Variants in RAD51B observed in about 807,000 individuals in gnomAD.
RAD51B encodes the protein DNA repair protein RAD51 homolog 2.
A neutral mutation model predicts 42.2 loss-of-function variants in RAD51B; 38 were observed. The observed-to-expected ratio is 0.90, with a 90% CI of 0.70 to 1.18. The LOEUF is 1.18. Among genes scored for constraint, RAD51B ranks in the 50% most tolerant of loss-of-function variants. RAD51B has a pLI of 0.00. For missense variants in RAD51B, 373 were observed against 400.7 expected (o/e 0.93, Z 0.59); for synonymous variants, 154 against 145.2 (o/e 1.06, Z -0.43).
At chr14:68,482,176 GGT>G (rs66768673), downstream of RAD51B, among the ~76,000 whole-genome samples, 139 of 149,662 alleles carry the variant, frequency 9.3e-4, 1 homozygote, top group South Asian at 0.015. Context: ...ATATTTTAGG[GGT>G]GTGTGTGTGT....
At chr14:68,490,167 A>C (rs1266695183) in intron 10 of RAD51B, among the ~76,000 whole-genome samples, 1 of 152,226 alleles carries the variant, frequency 6.6e-6, no homozygotes, top group Non-Finnish European at 1.5e-5. Flanking sequence ...CATTGTTAGC[A>C]CCTTAAAGAA....
intron 10 of RAD51B, among the ~76,000 whole-genome samples, chr14:68,535,440 A>G (rs1887560099): frequency 7.5e-6 from 1 of 133,508 alleles, no homozygotes; most frequent in Non-Finnish European, 1.5e-5. Flanking sequence ...GTTTCTGCAT[A>G]TTCCCATTCC....
chr14:68,648,113 G>GTATA (rs35536124), intron 10 of RAD51B, among the ~76,000 whole-genome samples: 1 of 60,078 alleles, frequency 1.7e-5, no homozygotes, highest in African/African-American at 5.5e-5. Flanking sequence ...ATACACACAC[G>GTATA]TATATATATA....
At chr14:68,526,893 C>T (rs913056653) in intron 10 of RAD51B, among the ~76,000 whole-genome samples, 2 of 152,204 alleles carry the variant, frequency 1.3e-5, no homozygotes, top group African/African-American at 4.8e-5. Context: ...ACACTGCTTG[C>T]TTTGGACAGA....
At chr14:68,260,915 A>G (rs2139544962) in intron 7 of RAD51B, among the ~76,000 whole-genome samples, 1 of 152,374 alleles carries the variant, frequency 6.6e-6, no homozygotes, top group East Asian at 1.9e-4. Flanking sequence ...CTTAAAAAAC[A>G]GTAAGTACAT....
intron 7 of RAD51B, among the ~76,000 whole-genome samples, chr14:68,267,848 A>G (rs2081023916): frequency 6.6e-6 from 1 of 152,210 alleles, no homozygotes; most frequent in African/African-American, 2.4e-5. Flanking sequence ...TCATAATTAA[A>G]CAATTTATTT....
At position 67,942,765 on chromosome 14, in the gene RAD51B, C is replaced by T. The variant is rs116688460; in HGVS notation, c.756+55561C>T. Among the ~76,000 whole-genome samples, 1,347 of 152,212 alleles carry T rather than the reference C, an allele frequency of 8.8e-3. 20 individuals are homozygous for T. Among genetic ancestry groups the T allele is most frequent in the African/African-American group, 0.031 (1,268 of 41,518 alleles). On this transcript the variant is annotated intron_variant, in intron 7 of 10. Transcript: ENST00000471583. ...AGACTTAAGACAAAGAACATTTATA[C>T]ATATAGCAAATGAAAACTATTATGG...
chr14:68,378,476 G>A (rs542338595), intron 8 of RAD51B, among the ~76,000 whole-genome samples: 5 of 152,170 alleles, frequency 3.3e-5, no homozygotes, highest in African/African-American at 1.2e-4. Flanking sequence ...ATTGGTTCAA[G>A]GACTCAGCCC....
chr14:68,075,067 G>A (rs1462604484), intron 7 of RAD51B, among the ~76,000 whole-genome samples: 1 of 152,210 alleles, frequency 6.6e-6, no homozygotes, highest in East Asian at 1.9e-4. Flanking sequence ...CTTGGCAGTG[G>A]CGATGGCAGA....
chr14:68,148,320 C>G lies in RAD51B; in HGVS notation c.757-143564C>G, dbSNP rs150521442. Among the ~76,000 whole-genome samples, 977 of 152,188 alleles carry G rather than the reference C, an allele frequency of 6.4e-3. 5 individuals are homozygous for G. The highest frequency in any genetic ancestry group is 9.9e-3 in the Non-Finnish European group (676 of 67,996). On this transcript the variant is annotated intron_variant, in intron 7 of 10. Coordinates refer to ENST00000471583, the MANE Select transcript of RAD51B (RefSeq NM_133510.4). ...CTACAAATTTTTGAAAAGAGGTATGCTTTCTTTTTTATTGGGCAAATACCT... is the reference window on the plus strand; with the variant it reads ...CTACAAATTTTTGAAAAGAGGTATGGTTTCTTTTTTATTGGGCAAATACCT...
At chr14:68,625,718 G>T (rs991105654) in intron 10 of RAD51B, among the ~76,000 whole-genome samples, 1 of 152,186 alleles carries the variant, frequency 6.6e-6, no homozygotes, top group Non-Finnish European at 1.5e-5. Context: ...ATGGGCAGAT[G>T]GGGGAGGTCT....
At chr14:68,605,139 A>G (rs1891394922) in intron 10 of RAD51B, among the ~76,000 whole-genome samples, 1 of 152,202 alleles carries the variant, frequency 6.6e-6, no homozygotes, top group Non-Finnish European at 1.5e-5. Flanking sequence ...TTAAAATAAC[A>G]GAAATGCACT....
At chr14:67,923,824 A>G (rs890361197) in intron 7 of RAD51B, among the ~76,000 whole-genome samples, 3 of 152,184 alleles carry the variant, frequency 2.0e-5, no homozygotes, top group Non-Finnish European at 4.4e-5. Context: ...TAGAGGTTGT[A>G]CTAGTTTACA....
intron 5 of RAD51B, among the ~76,000 whole-genome samples, chr14:67,877,047 T>C (rs1467903557): frequency 2.0e-5 from 3 of 152,116 alleles, no homozygotes; most frequent in African/African-American, 7.2e-5. Context: ...AGGCAGACAG[T>C]TTCCCCTTTA....
intron 10 of RAD51B, among the ~76,000 whole-genome samples, chr14:68,538,953 A>G (rs1887799760): frequency 6.6e-6 from 1 of 152,208 alleles, no homozygotes; most frequent in Non-Finnish European, 1.5e-5. Flanking sequence ...TCCTTTCTGT[A>G]TAAAGCCACC....
chr14:68,127,068 T>G (rs1018215535), intron 7 of RAD51B, among the ~76,000 whole-genome samples: 14 of 152,354 alleles, frequency 9.2e-5, no homozygotes, highest in Non-Finnish European at 1.8e-4. Context: ...TATCCTCTGC[T>G]CTGCTTTTCC....
chr14:68,319,961 A>G (rs879284615), intron 8 of RAD51B, among the ~76,000 whole-genome samples: 2 of 152,346 alleles, frequency 1.3e-5, no homozygotes, highest in East Asian at 3.8e-4. Flanking sequence ...ATAAAGACCC[A>G]GAGAGGTTTA....
chr14:68,185,615 A>T (rs1310874912), intron 7 of RAD51B, among the ~76,000 whole-genome samples: 1 of 152,138 alleles, frequency 6.6e-6, no homozygotes, highest in Non-Finnish European at 1.5e-5. Context: ...TATGGTCCCC[A>T]ACCTTTTTTT....
At position 68,501,889 on chromosome 14, in the gene RAD51B, C is replaced by T. The variant is rs139858717; in HGVS notation, c.1036+33639C>T. On this transcript the variant is annotated intron_variant, in intron 10 of 10. Coordinates refer to the RAD51B transcript ENST00000487270. Reference sequence around the variant, plus strand: ...TGCAAGGAACTAGAGCAGAAAGCAGCGACTTGCCTTAGCCTTCAAAGGTAG... The same window carrying T: ...TGCAAGGAACTAGAGCAGAAAGCAGTGACTTGCCTTAGCCTTCAAAGGTAG... Among the ~76,000 whole-genome samples the T allele has an allele frequency of 4.1e-3, 624 of 152,372 alleles. 3 individuals carry two copies. The highest frequency in any genetic ancestry group is 0.027 in the Middle Eastern group (8 of 294).
Sources: gnomAD v4.1 joint callset for allele counts (sites outside exome capture counted in the v4.1 genomes callset) on GRCh38, gnomAD v4.1.1 for gene constraint, MANE v1.5 for transcripts, NCBI Gene and HGNC (gene_info 2026-07-23, HGNC 2026-07-21) for gene names.